DNAH14: variants seen among roughly 807,000 people sequenced by gnomAD.
DNAH14 encodes the protein axonemal beta dynein heavy chain 14.
In DNAH14, 478 loss-of-function variants were observed where a neutral mutation model predicts 520.9. That is an observed-to-expected ratio of 0.92 (90% CI 0.85 to 0.99). The LOEUF is 0.99. DNAH14 is among the 50% of genes least tolerant of loss of function. The pLI is 0.00. For missense variants in DNAH14, 4,831 were observed against 5,234.5 expected (o/e 0.92, Z 2.38); for synonymous variants, 1,581 against 1,757.2 (o/e 0.90, Z 2.51).
At chr1:225,334,939 G>A (rs777242905) in intron 66 of DNAH14, among the ~76,000 whole-genome samples, 12 of 148,546 alleles carry the variant, frequency 8.1e-5, no homozygotes, top group Non-Finnish European at 1.8e-4. Context: ...ATATCTATAC[G>A]ATATATGTAG....
chr1:225,322,085 C>CTTTTTTTTTTTTTTTTTTTTTTTTT (rs3047035), intron 61 of DNAH14, among the ~76,000 whole-genome samples: 1 of 90,178 alleles, frequency 1.1e-5, no homozygotes, highest in African/African-American at 4.2e-5. Context: ...TTTTTTCTTT[C>CTTTTTTTTTTTTTTTTTTTTTTTTT]TTTTTTTTTT....
intron 36 of DNAH14, among the ~76,000 whole-genome samples, chr1:225,171,444 A>C (rs1352789782): frequency 6.6e-6 from 1 of 152,188 alleles, no homozygotes; most frequent in Non-Finnish European, 1.5e-5. Flanking sequence ...GGATATCACC[A>C]CCGATCCCGC....
intron 10 of DNAH14, among the ~76,000 whole-genome samples, chr1:225,012,480 AATTTGAAT>A (rs1194298460): frequency 6.6e-6 from 1 of 151,578 alleles, no homozygotes; most frequent in Non-Finnish European, 1.5e-5. Flanking sequence ...GTATTTCCTG[AATTTGAAT>A]ATTGGCCTGT....
chr1:225,121,228 C>T (rs2077262077), intron 26 of DNAH14, among the ~76,000 whole-genome samples: 1 of 152,058 alleles, frequency 6.6e-6, no homozygotes, highest in African/African-American at 2.4e-5. Context: ...AATTAAAATA[C>T]TCATCACCTC....
intron 9 of DNAH14, among the ~76,000 whole-genome samples, chr1:225,004,815 A>G (rs1363929813): frequency 2.6e-5 from 4 of 152,188 alleles, no homozygotes; most frequent in Admixed American, 6.6e-5. Context: ...AAGACTGACA[A>G]CGAGGATGTA....
chr1:225,047,856 T>A (rs1215079524), intron 15 of DNAH14, among the ~76,000 whole-genome samples: 1 of 152,226 alleles, frequency 6.6e-6, no homozygotes, highest in Non-Finnish European at 1.5e-5. Context: ...ATGTAGTTTG[T>A]AATAGTTAGA....
At chr1:225,226,097 C>T (rs545451490) in intron 41 of DNAH14, among the ~76,000 whole-genome samples, 52 of 152,306 alleles carry the variant, frequency 3.4e-4, no homozygotes, top group African/African-American at 1.3e-3. Context: ...CCTTCTTATT[C>T]TCTCACTCTG....
chr1:225,135,146 G>A (rs1271396887), intron 27 of DNAH14, among the ~76,000 whole-genome samples: 1 of 151,618 alleles, frequency 6.6e-6, no homozygotes, highest in Non-Finnish European at 1.5e-5. Context: ...GGTTTCCCAT[G>A]TCTCTATCTC....
intron 77 of DNAH14, among the ~76,000 whole-genome samples, chr1:225,370,717 C>T (rs1203330809): frequency 1.3e-5 from 2 of 151,578 alleles, no homozygotes; most frequent in Non-Finnish European, 2.9e-5. Flanking sequence ...AAAATAAAAG[C>T]TAATAAAGGA....
chr1:225,060,523 C>T (rs2069899862), intron 17 of DNAH14, among the ~76,000 whole-genome samples: 1 of 152,208 alleles, frequency 6.6e-6, no homozygotes, highest in Non-Finnish European at 1.5e-5. Context: ...TCGTCAAAGT[C>T]ATTCTCCATC....
chr1:225,103,053 A>T (rs572334934), intron 23 of DNAH14, among the ~76,000 whole-genome samples: 2 of 152,260 alleles, frequency 1.3e-5, no homozygotes, highest in East Asian at 1.9e-4. Context: ...ATCCATCTTG[A>T]ATTAATTTTT....
chr1:224,985,648 G>A (rs139990974), intron 8 of DNAH14, among the ~76,000 whole-genome samples: 88 of 152,098 alleles, frequency 5.8e-4, no homozygotes, highest in Non-Finnish European at 1.1e-3. Flanking sequence ...TATTGAGGAA[G>A]CTCAAAGAAA....
rs1043662549 is a variant in DNAH14 at position 225,153,045 on chromosome 1, A to C, written c.5196+162A>C. ...AGCTAGAATTTCCATCAACATATAA[A>C]GTCCATATGTGAGCTTCATATAAGG... On this transcript the variant is annotated intron_variant, in intron 33 of 85. Transcript: ENST00000682510. Among the ~76,000 whole-genome samples, 11 of 152,176 alleles carry C rather than the reference A, an allele frequency of 7.2e-5. No individual in the cohort carries two copies. In the East Asian group the frequency reaches 9.6e-4, roughly 13 times the overall value.
chr1:224,997,285 T>A (rs1057148520), intron 8 of DNAH14, among the ~76,000 whole-genome samples: 11 of 151,952 alleles, frequency 7.2e-5, no homozygotes, highest in Non-Finnish European at 1.5e-4. Flanking sequence ...CCAGGGAAAC[T>A]GGATGTCTGT....
At chr1:224,931,767 A>G (rs2058714027) in intron 1 of DNAH14, among the ~76,000 whole-genome samples, 1 of 152,176 alleles carries the variant, frequency 6.6e-6, no homozygotes, top group East Asian at 1.9e-4. Flanking sequence ...CATCTATGTT[A>G]CTGCAAATGA....
rs371121989 is a variant in DNAH14 at position 225,074,252 on chromosome 1, G to A, written c.2425-4955G>A. Among the ~76,000 whole-genome samples, 637 of 152,228 alleles carry A rather than the reference G, an allele frequency of 4.2e-3. 4 individuals are homozygous for A. The highest frequency in any genetic ancestry group is 0.015 in the African/African-American group (606 of 41,532). Reference sequence around the variant, plus strand: ...CTGACCTCGTGATCCGCCTGCCTCGGCCTCCCAAAGTGCTGGGATTACAGG... The same window carrying A: ...CTGACCTCGTGATCCGCCTGCCTCGACCTCCCAAAGTGCTGGGATTACAGG... On this transcript the variant is annotated intron_variant, in intron 17 of 85. Coordinates refer to ENST00000682510, the MANE Select transcript of DNAH14 (RefSeq NM_001367479.1).
At chr1:225,044,676 A>C (rs930020987) in intron 15 of DNAH14, among the ~76,000 whole-genome samples, 9 of 152,172 alleles carry the variant, frequency 5.9e-5, no homozygotes, top group Admixed American at 1.3e-4. Flanking sequence ...TTGACATCTC[A>C]TATTTATTTT....
At chr1:225,301,184 C>T (rs565016886) in intron 56 of DNAH14, among the ~76,000 whole-genome samples, 154 bp downstream of exon 56, 5 of 152,204 alleles carry the variant, frequency 3.3e-5, no homozygotes, top group South Asian at 2.1e-4. Context: ...ACAGACAACA[C>T]CATACCCTTC....
intron 49 of DNAH14, among the ~76,000 whole-genome samples, chr1:225,267,678 T>G (rs1192593531): frequency 6.6e-6 from 1 of 152,120 alleles, no homozygotes; most frequent in Non-Finnish European, 1.5e-5. Context: ...AAGCCCTATA[T>G]TTCAGAACTG....
Sources: allele counts gnomAD v4.1 joint callset (sites outside exome capture counted in the v4.1 genomes callset), GRCh38; gene constraint gnomAD v4.1.1; transcripts MANE v1.5; gene names NCBI Gene and HGNC (gene_info 2026-07-23, HGNC 2026-07-21).